Variants in ZDHHC14 observed in about 807,000 individuals in gnomAD.
ZDHHC14 encodes the protein zDHHC palmitoyltransferase 14.
Under a neutral mutation model 47.7 loss-of-function variants are expected in ZDHHC14, and 16 were observed. The ratio of observed to expected loss-of-function variants is 0.34; its 90% CI spans 0.23 to 0.51. ZDHHC14 has a LOEUF of 0.51. ZDHHC14 is among the 20% of genes least tolerant of loss of function. ZDHHC14 has a pLI of 0.97. For synonymous variants in ZDHHC14, 293 were observed against 278.9 expected, an observed-to-expected ratio of 1.05 and a Z score of -0.50; for missense variants, 515 against 662.5, an observed-to-expected ratio of 0.78 and a Z score of 2.44.
At chr6:157,486,661 C>T (rs1334351478) in intron 1 of ZDHHC14, among the ~76,000 whole-genome samples, 1 of 152,124 alleles carries the variant, frequency 6.6e-6, no homozygotes, top group Non-Finnish European at 1.5e-5. Flanking sequence ...CAGAGGAAGC[C>T]TGACGATGCT....
intron 8 of ZDHHC14, among the ~76,000 whole-genome samples, chr6:157,662,473 C>T (rs955375803): frequency 2.0e-5 from 3 of 152,252 alleles, no homozygotes; most frequent in African/African-American, 7.2e-5. Context: ...TGAGCCCCCG[C>T]GCCCAGCCTG....
chr6:157,633,555 C>T (rs1776817535), intron 5 of ZDHHC14, among the ~76,000 whole-genome samples: 1 of 152,134 alleles, frequency 6.6e-6, no homozygotes, highest in Non-Finnish European at 1.5e-5. Context: ...ACAGATGGGA[C>T]CCCCTGATCT....
At chr6:157,659,826 C>G (rs949973689) in intron 8 of ZDHHC14, among the ~76,000 whole-genome samples, 3 of 152,202 alleles carry the variant, frequency 2.0e-5, no homozygotes, top group African/African-American at 7.2e-5. Context: ...TAAAAAAGTT[C>G]TTGCGTTCCA....
intron 1 of ZDHHC14, among the ~76,000 whole-genome samples, chr6:157,452,029 G>A (rs193149946): frequency 5.5e-4 from 84 of 152,220 alleles, no homozygotes; most frequent in African/African-American, 2.2e-4. Flanking sequence ...TGAATAATCC[G>A]GAAAGATGGG....
chr6:157,563,186 G>T (rs1231613416), intron 2 of ZDHHC14, among the ~76,000 whole-genome samples: 1 of 152,230 alleles, frequency 6.6e-6, no homozygotes, highest in Non-Finnish European at 1.5e-5. Context: ...AGGCAGCCAG[G>T]TTGACTCAAG....
At chr6:157,546,671 C>G (rs971938771) in intron 2 of ZDHHC14, among the ~76,000 whole-genome samples, 4 of 152,160 alleles carry the variant, frequency 2.6e-5, no homozygotes, top group Admixed American at 2.0e-4. Flanking sequence ...GTTTCAGAAA[C>G]TCAGTTTTTA....
rs1408046369 is a variant in ZDHHC14, at chr6:157,672,825, C to A, written c.1170C>A (p.His390Gln). The A allele has an allele frequency of 1.2e-6, 2 of 1,612,208 alleles. No homozygotes were observed. Among genetic ancestry groups the A allele is most frequent in the Non-Finnish European group, 1.7e-6 (2 of 1,179,600 alleles). ...CCAGCCTCACCAGCGACGAGCTGCA[C>A]CTGCCCGGGAAGCCTGGCCTGGGCA... ...SEPSLTSDELHLPGKPGLGTP... is the reference protein window; with the variant it reads ...SEPSLTSDELQLPGKPGLGTP... Residue 390 changes from histidine (H) to glutamine (Q), a missense_variant, in exon 9 of 9, where the codon CAC becomes CAA. Physicochemically the swap from His to Gln is conservative, Grantham distance 24 (BLOSUM62 0). This residue lies in a region of ZDHHC14 where 221 missense variants were observed against 233.6 expected (regional missense o/e 0.95). Coordinates refer to ENST00000359775, the MANE Select transcript of ZDHHC14 (RefSeq NM_024630.3).
chr6:157,507,518 G>C (rs1395626719), intron 1 of ZDHHC14, among the ~76,000 whole-genome samples: 1 of 152,160 alleles, frequency 6.6e-6, no homozygotes, highest in Non-Finnish European at 1.5e-5. Flanking sequence ...CTGACCTCAA[G>C]TGATCTGCCC....
intron 8 of ZDHHC14, among the ~76,000 whole-genome samples, chr6:157,668,401 G>A (rs1444402049): frequency 6.6e-6 from 1 of 151,660 alleles, no homozygotes; most frequent in Non-Finnish European, 1.5e-5. Flanking sequence ...AATGGCTTAC[G>A]GGCTAGGCAC....
chr6:157,626,082 A>G (rs749392221), intron 3 of ZDHHC14, among the ~76,000 whole-genome samples: 5 of 152,118 alleles, frequency 3.3e-5, no homozygotes, highest in Non-Finnish European at 5.9e-5. Context: ...CCTGCCTGCT[A>G]TGGTAGAAAT....
chr6:157,566,828 A>G (rs1782921871), intron 2 of ZDHHC14, among the ~76,000 whole-genome samples: 1 of 150,674 alleles, frequency 6.6e-6, no homozygotes, highest in African/African-American at 2.5e-5. Flanking sequence ...GACCACAACC[A>G]AGGAGAATTT....
chr6:157,439,018 T>G (rs1267561731), intron 1 of ZDHHC14, among the ~76,000 whole-genome samples: 1 of 151,554 alleles, frequency 6.6e-6, no homozygotes. Context: ...CAACAAAGAG[T>G]TTTTCTGGCA....
chr6:157,572,098 C>T (rs1428023283), intron 2 of ZDHHC14, among the ~76,000 whole-genome samples: 3 of 152,040 alleles, frequency 2.0e-5, no homozygotes, highest in African/African-American at 7.3e-5. Flanking sequence ...CAGTCCATGG[C>T]CCACACTTTG....
intron 3 of ZDHHC14, among the ~76,000 whole-genome samples, chr6:157,593,577 G>A (rs1224065523): frequency 2.0e-5 from 3 of 152,174 alleles, no homozygotes; most frequent in African/African-American, 7.2e-5. Flanking sequence ...GGCAGGATCC[G>A]GGAGACCTCT....
chr6:157,614,956 G>A (rs932435017), intron 3 of ZDHHC14, among the ~76,000 whole-genome samples: 1 of 151,916 alleles, frequency 6.6e-6, no homozygotes, highest in African/African-American at 2.4e-5. Context: ...ATTTTAGTAG[G>A]TGGGATTTCA....
chr6:157,493,942 C>A (rs1289826045), intron 1 of ZDHHC14, among the ~76,000 whole-genome samples: 1 of 152,242 alleles, frequency 6.6e-6, no homozygotes, highest in Non-Finnish European at 1.5e-5. Context: ...CTCAAGGCCA[C>A]ACCTGGATAT....
chr6:157,515,457 C>CT (rs1187323622), intron 1 of ZDHHC14, among the ~76,000 whole-genome samples: 3,484 of 129,268 alleles, frequency 0.027, 69 homozygotes, highest in African/African-American at 0.035. Flanking sequence ...TTTTCTTTTT[C>CT]TTTTTTTTTT....
Position 157,427,178 on chromosome 6 carries a change from A to T in ZDHHC14, c.245+44912A>T, listed in dbSNP as rs1256298678. On this transcript the variant is annotated intron_variant, in intron 1 of 8. Transcript: ENST00000359775. This position sits in a 1 kb window ranked among gnomAD's most constrained non-coding sequence, Gnocchi z 4.4. ...GGAGGGGCATCGGGCCTGGGAGCACAGGAGGAAGGAGGAAGGGCGGGTGGA... is the reference window on the plus strand; with the variant it reads ...GGAGGGGCATCGGGCCTGGGAGCACTGGAGGAAGGAGGAAGGGCGGGTGGA... 6.6e-6 allele frequency among the ~76,000 whole-genome samples: 1 copy of T among 152,016 alleles called. No individual in the cohort carries two copies. Among genetic ancestry groups the T allele is most frequent in the African/African-American group, 2.4e-5 (1 of 41,382 alleles).
chr6:157,542,863 A>T, intron 2 of ZDHHC14, 118 bp downstream of exon 2: 1 of 1,296,458 alleles, frequency 7.7e-7, no homozygotes, highest in Non-Finnish European at 1.0e-6. Context: ...GAAGGAGGCC[A>T]GAAGTCAGCG....
Sources: allele counts gnomAD v4.1 joint callset (sites outside exome capture counted in the v4.1 genomes callset), GRCh38; gene constraint gnomAD v4.1.1; regional missense constraint gnomAD v4.1.1; non-coding constraint Gnocchi (gnomAD v3.1); transcripts MANE v1.5; gene names NCBI Gene and HGNC (gene_info 2026-07-23, HGNC 2026-07-21).